Variants in UBE2K observed in about 807,000 individuals in gnomAD.
UBE2K encodes ubiquitin conjugating enzyme E2 K, also known as ubiquitin-conjugating enzyme E2 K.
A neutral mutation model predicts 30.0 loss-of-function variants in UBE2K; 6 were observed. The ratio of observed to expected loss-of-function variants is 0.20; its 90% CI spans 0.11 to 0.39. UBE2K has a LOEUF of 0.39. UBE2K is among the 10% of genes least tolerant of loss of function. The pLI is 1.00. For missense variants in UBE2K, 61 were observed against 241.6 expected (o/e 0.25, Z 4.96); for synonymous variants, 86 against 83.7 (o/e 1.03, Z -0.15).
chr4:39,751,131 C>CG (rs962010948), intron 3 of UBE2K, among the ~76,000 whole-genome samples: 19 of 147,516 alleles, frequency 1.3e-4, no homozygotes, highest in African/African-American at 4.8e-4. Flanking sequence ...CAAATAGGGA[C>CG]GGGGTCTCAC....
chr4:39,717,321 T>C (rs1383648010), intron 1 of UBE2K, among the ~76,000 whole-genome samples: 4 of 151,518 alleles, frequency 2.6e-5, no homozygotes. Flanking sequence ...GCAACCTCCA[T>C]CTCCCGTGTT....
chr4:39,710,238 A>G (rs368545758), intron 1 of UBE2K: 20 of 131,852 alleles, frequency 1.5e-4, no homozygotes, highest in African/African-American at 5.6e-4. Context: ...ATAACTGCCT[A>G]CAGTTGAATG....
At chr4:39,754,837 A>C (rs1331045649) in intron 3 of UBE2K, among the ~76,000 whole-genome samples, 3 of 152,218 alleles carry the variant, frequency 2.0e-5, no homozygotes, top group African/African-American at 7.2e-5. Context: ...GCACATAGTA[A>C]TTAATCTACT....
At chr4:39,758,084 T>G (rs992809415) in intron 4 of UBE2K, among the ~76,000 whole-genome samples, 1 of 152,240 alleles carries the variant, frequency 6.6e-6, no homozygotes, top group African/African-American at 2.4e-5. Context: ...TAAACTGAAC[T>G]GATAGTCTCC....
intron 4 of UBE2K, among the ~76,000 whole-genome samples, chr4:39,764,355 T>C (rs1014681025): frequency 1.3e-5 from 2 of 152,152 alleles, no homozygotes; most frequent in Non-Finnish European, 2.9e-5. Flanking sequence ...GACATTGTTA[T>C]GAATTGTATC....
intron 5 of UBE2K, among the ~76,000 whole-genome samples, chr4:39,775,328 A>G (rs1206293277): frequency 6.6e-6 from 1 of 152,236 alleles, no homozygotes; most frequent in East Asian, 1.9e-4. Flanking sequence ...GACATGGCAC[A>G]GTTTCCAATG....
intron 1 of UBE2K, among the ~76,000 whole-genome samples, chr4:39,714,689 G>A (rs1179367796): frequency 6.7e-6 from 1 of 149,920 alleles, no homozygotes. Flanking sequence ...TGGGATTACA[G>A]GCATGTGCCA....
chr4:39,757,631 T>C lies in UBE2K; in HGVS notation c.299+1892T>C, dbSNP rs538763440. On this transcript the variant is annotated intron_variant, in intron 4 of 6. Coordinates refer to ENST00000261427, the MANE Select transcript of UBE2K (RefSeq NM_005339.5). The stretch of plus-strand genomic sequence containing the variant: ...TGTGGAATAGACTTACTTTTTATCT[T>C]CTCTGTTACTCTTTTGATTTGTGAC... Among the ~76,000 whole-genome samples, 4 of 152,310 alleles carry C rather than the reference T, an allele frequency of 2.6e-5. No individual in the cohort carries two copies. The South Asian group carries it at 8.3e-4, about 32-fold the overall frequency.
At chr4:39,769,654 G>A (rs1578502479) in intron 4 of UBE2K, among the ~76,000 whole-genome samples, 1 of 150,938 alleles carries the variant, frequency 6.6e-6, no homozygotes, top group African/African-American at 2.4e-5. Context: ...ATGTCCTCCT[G>A]CCAAATTCCC....
intron 4 of UBE2K, chr4:39,770,189 G>A (rs1358966114): frequency 1.9e-6 from 3 of 1,609,244 alleles, no homozygotes; most frequent in Non-Finnish European, 2.5e-6. Context: ...GCTTGTGGGC[G>A]AAGCGCATGT....
chr4:39,728,023 A>G (rs984336176), intron 1 of UBE2K, among the ~76,000 whole-genome samples: 5 of 151,958 alleles, frequency 3.3e-5, no homozygotes, highest in African/African-American at 1.2e-4. Context: ...AGTCCCAGCT[A>G]CTCAGGAGGT....
chr4:39,754,309 T>C (rs916475973), intron 3 of UBE2K, among the ~76,000 whole-genome samples: 2 of 152,160 alleles, frequency 1.3e-5, no homozygotes, highest in South Asian at 4.1e-4. Flanking sequence ...GAATCAAGCA[T>C]AGCAAGAATG....
Position 39,737,818 on chromosome 4 carries a change from A to T in UBE2K, c.157+305A>T, listed in dbSNP as rs541967322. The stretch of plus-strand genomic sequence containing the variant: ...AACCTCTAAATCATATGGACTGTAG[A>T]CACTCAGTTACCCTTCATATGGTAT... On this transcript the variant is annotated intron_variant, in intron 2 of 6. Coordinates refer to ENST00000261427, the MANE Select transcript of UBE2K (RefSeq NM_005339.5). Among the ~76,000 whole-genome samples the T allele has an allele frequency of 5.9e-5, 9 of 152,298 alleles. No homozygotes were observed. In the South Asian group the frequency reaches 1.7e-3, roughly 28 times the overall value.
chr4:39,747,459 C>G (rs1721039004), intron 3 of UBE2K, among the ~76,000 whole-genome samples: 1 of 152,184 alleles, frequency 6.6e-6, no homozygotes, highest in Admixed American at 6.6e-5. Context: ...CATTTTGTGT[C>G]TGGCTTATAT....
intron 5 of UBE2K, 125 bp downstream of exon 5, chr4:39,775,058 TGTG>T: frequency 2.0e-6 from 1 of 505,228 alleles, no homozygotes; most frequent in Non-Finnish European, 3.3e-6. Context: ...TTTTCTTTCT[TGTG>T]GTAGGATTAT....
chr4:39,723,865 T>C (rs896041195), intron 1 of UBE2K, among the ~76,000 whole-genome samples: 2 of 152,110 alleles, frequency 1.3e-5, no homozygotes, highest in Admixed American at 6.6e-5. Context: ...CAGGGTGGAG[T>C]GCAATGGCAC....
chr4:39,778,709 C>G lies in UBE2K; in HGVS notation c.*275C>G. On this transcript the variant is annotated 3_prime_UTR_variant, in exon 7 of 7. Coordinates refer to ENST00000261427, the MANE Select transcript of UBE2K (RefSeq NM_005339.5). Reference sequence around the variant, plus strand: ...AAGCTAAAACCATGGAAGAAACATGCTACTTTAGTGTTTAGCAGTGTACCA... The same window carrying G: ...AAGCTAAAACCATGGAAGAAACATGGTACTTTAGTGTTTAGCAGTGTACCA... The G allele has an allele frequency of 6.8e-6, 2 of 296,126 alleles. No individual in the cohort carries two copies. Among genetic ancestry groups the G allele is most frequent in the South Asian group, 1.1e-4 (2 of 18,988 alleles). 18.3% of individuals were successfully genotyped at this position (296,126 alleles called of 1,614,324 possible). A position where few individuals can be genotyped will look rare whatever the true frequency, so the allele number is the denominator to read the frequency against.
chr4:39,739,344 T>C (rs1016369966), intron 2 of UBE2K, among the ~76,000 whole-genome samples: 10 of 152,048 alleles, frequency 6.6e-5, no homozygotes, highest in Non-Finnish European at 4.4e-5. Flanking sequence ...CAAAACACTT[T>C]TTAAAAATCT....
At chr4:39,714,262 C>T (rs558614996) in intron 1 of UBE2K, 16 of 195,492 alleles carry the variant, frequency 8.2e-5, no homozygotes, top group African/African-American at 3.7e-4. Context: ...CATTGTTCTG[C>T]TGTGCTTTGT....
Sources: allele counts gnomAD v4.1 joint callset (sites outside exome capture counted in the v4.1 genomes callset), GRCh38; gene constraint gnomAD v4.1.1; transcripts MANE v1.5; gene names NCBI Gene and HGNC (gene_info 2026-07-23, HGNC 2026-07-21).